SPHKAP: variants seen among roughly 807,000 people sequenced by gnomAD.
SPHKAP encodes the protein A-kinase anchor protein SPHKAP.
SPHKAP carries 67 observed loss-of-function variants against 137.5 expected under a neutral mutation model. That is an observed-to-expected ratio of 0.49 (90% CI 0.40 to 0.60). The LOEUF is 0.60. SPHKAP is among the 20% of genes least tolerant of loss of function. The pLI, the probability that SPHKAP is intolerant of heterozygous loss-of-function variation, is 0.00. For missense variants in SPHKAP, 2,097 were observed against 2,069.3 expected, an observed-to-expected ratio of 1.01 and a Z score of -0.26; for synonymous variants, 813 against 785.3, an observed-to-expected ratio of 1.04 and a Z score of -0.59.
chr2:228,134,111 A>AGG (rs1433703033), intron 1 of SPHKAP, among the ~76,000 whole-genome samples: 1 of 120,976 alleles, frequency 8.3e-6, no homozygotes, highest in Non-Finnish European at 1.7e-5. Flanking sequence ...GAAGGAAGGA[A>AGG]GGGAGAGAGA....
chr2:228,060,307 C>T (rs556921135), intron 3 of SPHKAP, among the ~76,000 whole-genome samples: 17 of 152,216 alleles, frequency 1.1e-4, no homozygotes, highest in African/African-American at 2.2e-4. Context: ...TTTTCACTCA[C>T]GCTGGCAATT....
intron 6 of SPHKAP, among the ~76,000 whole-genome samples, chr2:228,021,061 G>C (rs1287700552): frequency 6.6e-6 from 1 of 152,152 alleles, no homozygotes; most frequent in African/African-American, 2.4e-5. Context: ...TTGTCCCAGG[G>C]ACAGTGGCAA....
intron 3 of SPHKAP, among the ~76,000 whole-genome samples, chr2:228,041,814 G>A (rs1244070050): frequency 2.6e-5 from 4 of 152,004 alleles, no homozygotes; most frequent in South Asian, 4.1e-4. Flanking sequence ...GACACTGGCC[G>A]TGGGAGGGGA....
chr2:228,130,525 G>A (rs1447147303), intron 2 of SPHKAP, among the ~76,000 whole-genome samples: 3 of 152,152 alleles, frequency 2.0e-5, no homozygotes, highest in African/African-American at 7.2e-5. Flanking sequence ...TGATGAAACT[G>A]GCTGTTAAAT....
intron 3 of SPHKAP, among the ~76,000 whole-genome samples, chr2:228,076,829 T>C (rs1241904158): frequency 6.6e-6 from 1 of 152,182 alleles, no homozygotes; most frequent in African/African-American, 2.4e-5. Context: ...AAGCCAAATG[T>C]TAATCACCAA....
intron 1 of SPHKAP, among the ~76,000 whole-genome samples, chr2:228,150,640 A>C (rs1457529935): frequency 2.0e-5 from 3 of 149,906 alleles, no homozygotes; most frequent in African/African-American, 4.9e-5. Flanking sequence ...TTTCATTTTT[A>C]TCATTGTTTT....
chr2:228,092,995 A>G (rs1224831950), intron 3 of SPHKAP, among the ~76,000 whole-genome samples: 1 of 152,058 alleles, frequency 6.6e-6, no homozygotes, highest in African/African-American at 2.4e-5. Flanking sequence ...AAATCTCACA[A>G]ATCACCACTA....
intron 3 of SPHKAP, among the ~76,000 whole-genome samples, chr2:228,082,629 C>T (rs922519273): frequency 6.6e-6 from 1 of 152,156 alleles, no homozygotes; most frequent in Admixed American, 6.6e-5. Context: ...ACCACGAAGT[C>T]ACAGGGCTAA....
chr2:228,115,439 C>T (rs1315345311), intron 2 of SPHKAP, among the ~76,000 whole-genome samples: 1 of 152,112 alleles, frequency 6.6e-6, no homozygotes, highest in Non-Finnish European at 1.5e-5. Context: ...CCCAGTTACC[C>T]TGGCTTGAAA....
At chr2:228,090,827 T>C (rs896465587) in intron 3 of SPHKAP, among the ~76,000 whole-genome samples, 1 of 152,120 alleles carries the variant, frequency 6.6e-6, no homozygotes, top group Non-Finnish European at 1.5e-5. Flanking sequence ...TCTGCCATGA[T>C]TGTAAGCTAT....
chr2:228,136,792 T>C (rs961151713), intron 1 of SPHKAP, among the ~76,000 whole-genome samples: 3 of 152,240 alleles, frequency 2.0e-5, no homozygotes, highest in African/African-American at 7.2e-5. Context: ...GACACCATTC[T>C]GATACTGAGA....
Position 228,115,611 on chromosome 2 carries a change from C to A in SPHKAP, c.139-6672G>T, listed in dbSNP as rs565513508. ...TTTAGTGCATACCATGGATTACTCTCCAGGTAATACAACAGTGAGTAATAT... is the reference window on the plus strand; with the variant it reads ...TTTAGTGCATACCATGGATTACTCTACAGGTAATACAACAGTGAGTAATAT... On this transcript the variant is annotated intron_variant, in intron 2 of 11. Coordinates refer to ENST00000392056, the MANE Select transcript of SPHKAP (RefSeq NM_001142644.2). Among the ~76,000 whole-genome samples the A allele has an allele frequency of 3.9e-4, 59 of 152,208 alleles. 1 individual carries two copies. The Middle Eastern group carries it at 0.024, about 61-fold the overall frequency.
At chr2:228,025,789 TATG>T in intron 4 of SPHKAP, 3 of 835,532 alleles carry the variant, frequency 3.6e-6, no homozygotes, top group Non-Finnish European at 4.3e-6. Flanking sequence ...AAGTAAACAT[TATG>T]ATAGTAATTA....
chr2:228,033,144 CAG>C (rs1353175144), intron 3 of SPHKAP, among the ~76,000 whole-genome samples: 1 of 152,004 alleles, frequency 6.6e-6, no homozygotes, highest in Non-Finnish European at 1.5e-5. Context: ...ATCTCACGTG[CAG>C]AGACACACAT....
intron 3 of SPHKAP, among the ~76,000 whole-genome samples, chr2:228,097,659 C>T (rs1049119101): frequency 1.3e-5 from 2 of 152,114 alleles, no homozygotes; most frequent in Non-Finnish European, 2.9e-5. Context: ...TTGCCTCTTC[C>T]CACACTCCAT....
At chr2:227,982,366 C>A in intron 11 of SPHKAP, 5 of 985,284 alleles carry the variant, frequency 5.1e-6, no homozygotes, top group Non-Finnish European at 6.0e-6. Context: ...ACCCTCCAGG[C>A]TAAAATCAAG....
intron 4 of SPHKAP, chr2:228,025,870 TTTTTG>T (rs1425975729): frequency 1.0e-6 from 1 of 984,722 alleles, no homozygotes; most frequent in Non-Finnish European, 1.2e-6. Flanking sequence ...CATAAAACAT[TTTTTG>T]TTTTAACTAA....
intron 3 of SPHKAP, among the ~76,000 whole-genome samples, chr2:228,052,926 G>A (rs1696309621): frequency 1.3e-5 from 2 of 152,236 alleles, no homozygotes; most frequent in Middle Eastern, 6.8e-3. Flanking sequence ...CATATCCTTA[G>A]AAGACTTCTT....
intron 3 of SPHKAP, among the ~76,000 whole-genome samples, chr2:228,066,205 C>T (rs192751994): frequency 6.6e-6 from 1 of 152,180 alleles, no homozygotes. Context: ...GTCAGAGAAG[C>T]CCCAAATGGT....
Sources: allele counts gnomAD v4.1 joint callset (sites outside exome capture counted in the v4.1 genomes callset), GRCh38; gene constraint gnomAD v4.1.1; transcripts MANE v1.5; gene names NCBI Gene and HGNC (gene_info 2026-07-23, HGNC 2026-07-21).